The following CSMD1 variants were observed in gnomAD, a reference collection of about 807,000 sequenced individuals.
CSMD1 encodes CUB and Sushi multiple domains 1.
A neutral mutation model predicts 417.5 loss-of-function variants in CSMD1; 213 were observed. That is an observed-to-expected ratio of 0.51 (90% confidence interval 0.46 to 0.57). The LOEUF (loss-of-function observed/expected upper bound fraction) is 0.57. Among genes scored for constraint, CSMD1 ranks in the 20% least tolerant of loss-of-function variants. The pLI, the probability that CSMD1 is intolerant of heterozygous loss-of-function variation, is 0.00. For missense variants in CSMD1, 6,923 were observed against 4,529.7 expected (o/e 1.53, Z -15.17); for synonymous variants, 2,862 against 1,736.8 (o/e 1.65, Z -16.11).
intron 11 of CSMD1, among the ~76,000 whole-genome samples, chr8:3,487,471 G>A (rs139823428): frequency 0.018 from 2,677 of 152,250 alleles, 76 homozygotes; most frequent in African/African-American, 0.06. Flanking sequence ...CAAGTGTTGG[G>A]ATTACAGGCA....
At position 3,656,761 on chromosome 8, in the gene CSMD1, A is replaced by G. The variant is rs931387167; in HGVS notation, c.1010-39964T>C. Among the ~76,000 whole-genome samples, 8 of 152,190 alleles carry G rather than the reference A, an allele frequency of 5.3e-5. No homozygotes were observed. In the East Asian group the frequency reaches 9.7e-4, roughly 18 times the overall value. ...GCTAACATGGCGAAACCCCATCTCT[A>G]CTAAAAATCCAAAAATTAGGCAGAT... On this transcript the variant is annotated intron_variant, in intron 7 of 69. Coordinates refer to ENST00000635120, the MANE Select transcript of CSMD1 (RefSeq NM_033225.6).
rs542468718 is a variant in CSMD1, at chr8:3,932,265, A to T, written c.818+65638T>A. The stretch of plus-strand genomic sequence containing the variant: ...GAGCAGGAAAATCGACGAAAGTAAT[A>T]GTTGGTTGAGAATTCTCAAGAAGTT... On this transcript the variant is annotated intron_variant, in intron 5 of 69. Transcript: ENST00000635120. 2.7e-5 allele frequency among the ~76,000 whole-genome samples: 4 copies of T among 150,698 alleles called. No individual in the cohort carries two copies. In the South Asian group the frequency reaches 8.5e-4, roughly 32 times the overall value.
At chr8:4,047,601 G>A (rs1563361948) in intron 3 of CSMD1, among the ~76,000 whole-genome samples, 1 of 152,094 alleles carries the variant, frequency 6.6e-6, no homozygotes, top group Non-Finnish European at 1.5e-5. Context: ...CGTATTATGT[G>A]TGGAATATTT....
intron 12 of CSMD1, among the ~76,000 whole-genome samples, chr8:3,465,512 GT>G (rs1816747026): frequency 6.6e-6 from 1 of 152,168 alleles, no homozygotes; most frequent in Non-Finnish European, 1.5e-5. Context: ...GCAGGGGGTA[GT>G]GGGGGTGCCA....
intron 4 of CSMD1, among the ~76,000 whole-genome samples, chr8:4,021,320 A>G (rs1037275477): frequency 1.3e-5 from 2 of 152,248 alleles, no homozygotes; most frequent in Non-Finnish European, 2.9e-5. Context: ...AAAATCCATT[A>G]TTAAAGTTTA....
chr8:4,059,862 G>A (rs1046382435), intron 3 of CSMD1, among the ~76,000 whole-genome samples: 32 of 149,566 alleles, frequency 2.1e-4, no homozygotes, highest in African/African-American at 7.1e-4. Flanking sequence ...ATTACCAGAG[G>A]TACAAGGAGG....
At chr8:3,693,055 T>A (rs1263777300) in intron 7 of CSMD1, among the ~76,000 whole-genome samples, 1 of 152,168 alleles carries the variant, frequency 6.6e-6, no homozygotes, top group African/African-American at 2.4e-5. Context: ...AAGTTCTTCT[T>A]AGTAATAATC....
chr8:4,055,449 G>A (rs113980452), intron 3 of CSMD1, among the ~76,000 whole-genome samples: 4 of 151,624 alleles, frequency 2.6e-5, no homozygotes, highest in African/African-American at 9.7e-5. Flanking sequence ...GCATTTTGAA[G>A]AGAAAAATTT....
intron 33 of CSMD1, among the ~76,000 whole-genome samples, chr8:3,195,647 T>A (rs911473901): frequency 1.3e-5 from 2 of 152,120 alleles, no homozygotes; most frequent in Non-Finnish European, 2.9e-5. Flanking sequence ...CCCTGCTTGA[T>A]GGTACAAGAC....
At chr8:3,154,201 G>C (rs1011285830) in intron 39 of CSMD1, among the ~76,000 whole-genome samples, 2 of 152,168 alleles carry the variant, frequency 1.3e-5, no homozygotes, top group African/African-American at 2.4e-5. Context: ...TCGAACTCCT[G>C]ACCTCAGGTG....
chr8:3,919,721 C>A (rs1046205376), intron 5 of CSMD1, among the ~76,000 whole-genome samples: 5 of 151,998 alleles, frequency 3.3e-5, no homozygotes, highest in African/African-American at 1.2e-4. Flanking sequence ...GATGACTTTG[C>A]GTAGTATGGA....
chr8:3,054,640 C>T (rs138439640), intron 49 of CSMD1, among the ~76,000 whole-genome samples: 2,009 of 151,690 alleles, frequency 0.013, 18 homozygotes, highest in African/African-American at 0.015. Context: ...AAAACACATG[C>T]GTGTGTGTGT....
At chr8:4,030,910 C>A (rs140111055) in intron 4 of CSMD1, among the ~76,000 whole-genome samples, 2 of 152,250 alleles carry the variant, frequency 1.3e-5, no homozygotes, top group African/African-American at 2.4e-5. Context: ...CCACAACTCT[C>A]TAGGGCAGGG....
chr8:3,998,358 G>T (rs1286968872), intron 4 of CSMD1, among the ~76,000 whole-genome samples: 1 of 152,144 alleles, frequency 6.6e-6, no homozygotes, highest in East Asian at 1.9e-4. Flanking sequence ...TGGCTTTTCT[G>T]AAACATGGAA....
chr8:4,444,921 C>T (rs1798693954), intron 2 of CSMD1, among the ~76,000 whole-genome samples: 1 of 152,160 alleles, frequency 6.6e-6, no homozygotes, highest in Admixed American at 6.5e-5. Flanking sequence ...TACATATTTG[C>T]TCCCTTCTTC....
chr8:3,453,575 T>G (rs1347194976), intron 12 of CSMD1, among the ~76,000 whole-genome samples: 1 of 152,196 alleles, frequency 6.6e-6, no homozygotes, highest in Non-Finnish European at 1.5e-5. Context: ...ATGTACCAAG[T>G]AGTCATTGAG....
intron 11 of CSMD1, among the ~76,000 whole-genome samples, chr8:3,493,393 T>C (rs961118127): frequency 1.6e-4 from 25 of 151,876 alleles, no homozygotes; most frequent in Admixed American, 9.2e-4. Context: ...CATAAACATA[T>C]ATGTTTTTAA....
intron 3 of CSMD1, among the ~76,000 whole-genome samples, chr8:4,242,447 A>G (rs1052056959): frequency 2.6e-5 from 4 of 152,206 alleles, no homozygotes; most frequent in African/African-American, 9.7e-5. Flanking sequence ...TCAAGCTATA[A>G]TAGGACTATT....
chr8:3,936,538 C>A (rs1810510961), intron 5 of CSMD1, among the ~76,000 whole-genome samples: 1 of 152,150 alleles, frequency 6.6e-6, no homozygotes, highest in Non-Finnish European at 1.5e-5. Context: ...CAACTATGCT[C>A]CATCAATGGA....
Sources: allele counts gnomAD v4.1 joint callset (sites outside exome capture counted in the v4.1 genomes callset), GRCh38; gene constraint gnomAD v4.1.1; transcripts MANE v1.5; gene names NCBI Gene and HGNC (gene_info 2026-07-23, HGNC 2026-07-21).